Variants in GRID2 observed in about 807,000 individuals in gnomAD.
GRID2 encodes the protein glutamate ionotropic receptor delta type subunit 2.
A neutral mutation model predicts 114.8 loss-of-function variants in GRID2; 33 were observed. The observed-to-expected ratio is 0.29, with a 90% CI of 0.22 to 0.38. The LOEUF (loss-of-function observed/expected upper bound fraction) is 0.38. Ranked by LOEUF, GRID2 falls within the 10% of genes least tolerant of loss-of-function variation. GRID2 has a pLI of 1.00. For missense variants in GRID2, 1,184 were observed against 1,257.7 expected (o/e 0.94, Z 0.89); for synonymous variants, 505 against 449.9 (o/e 1.12, Z -1.55).
rs766420473 is a variant in GRID2, at chr4:92,777,735, G to GAA, written c.244+187464_244+187465dup. On this transcript the variant is annotated intron_variant, in intron 2 of 15. Transcript: ENST00000282020. ...GAGATACTAGGAATGCATGTGCACA[G>GAA]AAAAAAAAAAAAAAAAGCCATGTGA... 4.0e-4 allele frequency among the ~76,000 whole-genome samples: 45 copies of GAA among 113,290 alleles called. No homozygotes were observed. In the East Asian group the frequency reaches 4.7e-3, roughly 12 times the overall value. 74.3% of individuals were successfully genotyped at this position (113,290 alleles called of 152,430 possible). A position where few individuals can be genotyped will look rare whatever the true frequency, so the allele number is the denominator to read the frequency against.
rs973212786 is a variant in GRID2, at chr4:93,056,052, A to G, written c.245-28943A>G. ...TTCTGAACTCATTAAGGTCCCACAT[A>G]GGTTTCTGTGTGTTGCAGTGACATC... On this transcript the variant is annotated intron_variant, in intron 2 of 15. Transcript: ENST00000282020. Among the ~76,000 whole-genome samples, 4 of 151,852 alleles carry G rather than the reference A, an allele frequency of 2.6e-5. No individual in the cohort carries two copies. The Admixed American group carries it at 2.6e-4, about 10-fold the overall frequency.
chr4:92,599,302 C>T (rs1011287510), intron 2 of GRID2, among the ~76,000 whole-genome samples: 1 of 152,008 alleles, frequency 6.6e-6, no homozygotes, highest in Non-Finnish European at 1.5e-5. Context: ...GGCGCTGAGT[C>T]ATAGCTAAAT....
At chr4:93,662,365 C>A (rs1263520692) in intron 14 of GRID2, among the ~76,000 whole-genome samples, 5 of 152,128 alleles carry the variant, frequency 3.3e-5, no homozygotes, top group African/African-American at 1.2e-4. Flanking sequence ...CCATAATATG[C>A]AGAAATATTA....
At chr4:92,950,937 T>C (rs1751989712) in intron 2 of GRID2, among the ~76,000 whole-genome samples, 1 of 152,172 alleles carries the variant, frequency 6.6e-6, no homozygotes, top group Non-Finnish European at 1.5e-5. Context: ...TTATGTATAC[T>C]GATTATGATT....
At chr4:92,479,409 A>G (rs1370432494) in intron 1 of GRID2, among the ~76,000 whole-genome samples, 1 of 152,178 alleles carries the variant, frequency 6.6e-6, no homozygotes, top group Non-Finnish European at 1.5e-5. Flanking sequence ...AAAAATGCCT[A>G]AATTTTCCAG....
Position 93,297,670 on chromosome 4 carries a change from A to G in GRID2, c.1245+59180A>G, listed in dbSNP as rs1012453473. ...TATGATTTTGTTAATTAATAATGGT[A>G]TTGCATATAAAGGGCCTAATGTTGT... On this transcript the variant is annotated intron_variant, in intron 8 of 15. Transcript: ENST00000282020. Among the ~76,000 whole-genome samples the G allele has an allele frequency of 2.6e-5, 4 of 152,196 alleles. 1 individual carries two copies. The highest frequency in any genetic ancestry group is 4.8e-5 in the African/African-American group (2 of 41,456).
At chr4:93,122,538 T>C (rs1733872632) in intron 4 of GRID2, among the ~76,000 whole-genome samples, 1 of 152,138 alleles carries the variant, frequency 6.6e-6, no homozygotes, top group African/African-American at 2.4e-5. Context: ...CTTCCTGTGA[T>C]CCCAGGATCA....
At chr4:93,620,354 C>T (rs1398099831) in intron 13 of GRID2, among the ~76,000 whole-genome samples, 1 of 152,118 alleles carries the variant, frequency 6.6e-6, no homozygotes, top group African/African-American at 2.4e-5. Context: ...TTGGAGTGAG[C>T]TTTTAAGAAA....
intron 9 of GRID2, among the ~76,000 whole-genome samples, chr4:93,420,093 A>C (rs896196231): frequency 2.6e-5 from 4 of 152,088 alleles, no homozygotes; most frequent in African/African-American, 9.7e-5. Flanking sequence ...TGACTTCCAA[A>C]TATTGGTAGA....
intron 1 of GRID2, among the ~76,000 whole-genome samples, chr4:92,576,958 AC>A (rs1727925151): frequency 1.3e-5 from 2 of 152,240 alleles, no homozygotes; most frequent in Non-Finnish European, 2.9e-5. Context: ...TTCCAAAGGT[AC>A]CTTGATTACT....
chr4:93,179,346 A>C (rs114273566), intron 4 of GRID2, among the ~76,000 whole-genome samples: 44 of 152,220 alleles, frequency 2.9e-4, no homozygotes, highest in Non-Finnish European at 5.7e-4. Flanking sequence ...TAACAATTTC[A>C]TTTGGGGACT....
intron 2 of GRID2, among the ~76,000 whole-genome samples, chr4:92,608,969 CA>C (rs1729588486): frequency 6.6e-6 from 1 of 151,450 alleles, no homozygotes; most frequent in African/African-American, 2.4e-5. Context: ...TTTCTGGCTT[CA>C]AAAATTTGTT....
intron 1 of GRID2, among the ~76,000 whole-genome samples, chr4:92,441,177 G>A (rs1295512575): frequency 2.0e-5 from 3 of 152,122 alleles, no homozygotes; most frequent in African/African-American, 7.2e-5. Context: ...AAGGAAAGGA[G>A]TTGTTGTTTT....
chr4:92,823,533 T>C lies in GRID2; in HGVS notation c.244+233247T>C, dbSNP rs139621841. Among the ~76,000 whole-genome samples the C allele has an allele frequency of 2.4e-4, 37 of 152,228 alleles. No individual in the cohort carries two copies. The East Asian group carries it at 6.6e-3, about 27-fold the overall frequency. On this transcript the variant is annotated intron_variant, in intron 2 of 15. Transcript: ENST00000282020. Reference sequence around the variant, plus strand: ...AACCTGGATGGCAACACGGGTCTGTTTGACTAGAAAACTCCAATCCATCTT... The same window carrying C: ...AACCTGGATGGCAACACGGGTCTGTCTGACTAGAAAACTCCAATCCATCTT...
At chr4:92,603,167 C>T (rs760363447) in intron 2 of GRID2, among the ~76,000 whole-genome samples, 58 of 152,068 alleles carry the variant, frequency 3.8e-4, no homozygotes, top group Admixed American at 6.6e-4. Context: ...ATTAAACTAC[C>T]GATGACATTC....
intron 8 of GRID2, among the ~76,000 whole-genome samples, chr4:93,354,831 TA>T (rs1491224332): frequency 8.2e-4 from 109 of 132,518 alleles, no homozygotes; most frequent in African/African-American, 2.9e-3. Context: ...TATATATATA[TA>T]ATATATATAA....
chr4:93,463,178 G>A (rs1033193557), intron 11 of GRID2, among the ~76,000 whole-genome samples: 4 of 151,952 alleles, frequency 2.6e-5, no homozygotes, highest in African/African-American at 9.7e-5. Flanking sequence ...TCTTTTTATC[G>A]CACAATTCTT....
intron 14 of GRID2, among the ~76,000 whole-genome samples, chr4:93,700,751 T>G (rs767723308): frequency 3.3e-5 from 5 of 152,192 alleles, no homozygotes; most frequent in Non-Finnish European, 7.4e-5. Flanking sequence ...TCCTGTGGGC[T>G]ATCACTGTCT....
chr4:92,956,207 A>G (rs1029817637), intron 2 of GRID2, among the ~76,000 whole-genome samples: 4 of 152,208 alleles, frequency 2.6e-5, no homozygotes, highest in African/African-American at 7.2e-5. Flanking sequence ...TGCACTTGCT[A>G]CAATTGATGA....
Sources: gnomAD v4.1 joint callset for allele counts (sites outside exome capture counted in the v4.1 genomes callset) on GRCh38, gnomAD v4.1.1 for gene constraint, MANE v1.5 for transcripts, NCBI Gene and HGNC (gene_info 2026-07-23, HGNC 2026-07-21) for gene names.